Variants in NCAM2 observed in about 807,000 individuals in gnomAD.
NCAM2 encodes N-CAM-2.
In NCAM2, 30 loss-of-function variants were observed where a neutral mutation model predicts 98.1. The observed-to-expected ratio is 0.31, with a 90% CI of 0.23 to 0.41. The LOEUF (loss-of-function observed/expected upper bound fraction) is 0.41. Among genes scored for constraint, NCAM2 ranks in the 10% least tolerant of loss-of-function variants. The probability of loss-of-function intolerance (pLI) is 1.00; values close to 1 mark genes in which losing one functional copy is unlikely to be tolerated. For synonymous variants in NCAM2, 368 were observed against 342.4 expected, an observed-to-expected ratio of 1.07 and a Z score of -0.83; for missense variants, 867 against 1,005.8, an observed-to-expected ratio of 0.86 and a Z score of 1.87.
intron 9 of NCAM2, among the ~76,000 whole-genome samples, chr21:21,405,688 T>TA (rs1234508846): frequency 1.7e-5 from 2 of 114,900 alleles, no homozygotes; most frequent in Non-Finnish European, 1.8e-5. Flanking sequence ...TGTAATTTCT[T>TA]AATCACAACT....
At chr21:21,101,108 G>A (rs139583398) in intron 1 of NCAM2, among the ~76,000 whole-genome samples, 226 of 152,064 alleles carry the variant, frequency 1.5e-3, no homozygotes, top group African/African-American at 5.2e-3. Context: ...TAATTCATGG[G>A]AGGCTATTAT....
At chr21:21,040,952 A>C (rs2146260377) in intron 1 of NCAM2, among the ~76,000 whole-genome samples, 1 of 152,280 alleles carries the variant, frequency 6.6e-6, no homozygotes, top group Non-Finnish European at 1.5e-5. Flanking sequence ...ATCAATGCCA[A>C]ATGTTTGAGG....
intron 9 of NCAM2, among the ~76,000 whole-genome samples, chr21:21,379,395 C>T (rs2076102073): frequency 1.3e-5 from 2 of 151,998 alleles, no homozygotes; most frequent in African/African-American, 2.4e-5. Context: ...AATAGAATCA[C>T]ATAACTCCAG....
chr21:21,147,448 C>A (rs2067312665), intron 1 of NCAM2, among the ~76,000 whole-genome samples: 1 of 151,684 alleles, frequency 6.6e-6, no homozygotes, highest in Admixed American at 6.6e-5. Flanking sequence ...CTTGCCCTGT[C>A]CCCTAGGCTG....
chr21:21,108,063 A>G (rs905958951), intron 1 of NCAM2, among the ~76,000 whole-genome samples: 3 of 152,124 alleles, frequency 2.0e-5, no homozygotes, highest in African/African-American at 7.2e-5. Flanking sequence ...AGCAGCTGCA[A>G]TATATAACTA....
chr21:21,387,895 AAG>A (rs2076303081), intron 9 of NCAM2, among the ~76,000 whole-genome samples: 1 of 152,196 alleles, frequency 6.6e-6, no homozygotes, highest in Admixed American at 6.6e-5. Context: ...AGGAAGAAAA[AAG>A]TAAAACAGTG....
At chr21:21,401,192 T>C (rs2076622268) in intron 9 of NCAM2, among the ~76,000 whole-genome samples, 1 of 152,216 alleles carries the variant, frequency 6.6e-6, no homozygotes, top group Non-Finnish European at 1.5e-5. Context: ...TGTATGTGTG[T>C]GCACATCTCC....
intron 1 of NCAM2, among the ~76,000 whole-genome samples, chr21:21,126,828 C>T (rs1394756223): frequency 6.6e-6 from 1 of 151,948 alleles, no homozygotes; most frequent in Non-Finnish European, 1.5e-5. Flanking sequence ...CTGAAACTGT[C>T]ATACGTGTGT....
At chr21:21,020,440 ATTG>A (rs974107977) in intron 1 of NCAM2, among the ~76,000 whole-genome samples, 2 of 151,950 alleles carry the variant, frequency 1.3e-5, no homozygotes, top group African/African-American at 2.4e-5. Flanking sequence ...GTGGAAGCTT[ATTG>A]TTGTTATTTT....
At chr21:21,383,530 C>G (rs2076203543) in intron 9 of NCAM2, among the ~76,000 whole-genome samples, 1 of 152,124 alleles carries the variant, frequency 6.6e-6, no homozygotes, top group Non-Finnish European at 1.5e-5. Context: ...AAAATGGAAG[C>G]TAGTTTTCAT....
intron 1 of NCAM2, among the ~76,000 whole-genome samples, chr21:21,118,754 C>T (rs909272800): frequency 3.3e-5 from 5 of 152,100 alleles, no homozygotes; most frequent in African/African-American, 1.2e-4. Context: ...CCTCAACACA[C>T]ATATTATTTT....
At position 21,335,594 on chromosome 21, in the gene NCAM2, G is replaced by A; in HGVS notation, c.827G>A (p.Gly276Asp). 1.2e-6 allele frequency: 2 copies of A among 1,611,980 alleles called. No homozygotes were observed. The highest frequency in any genetic ancestry group is 2.2e-5 in the East Asian group (1 of 44,624). Residue 276 changes from glycine to aspartate, a missense_variant, in exon 7 of 18, where the codon GGT becomes GAT. Physicochemically the swap from Gly to Asp is moderately conservative, Grantham distance 94. Around this residue, in one of 5 missense-constraint regions of NCAM2, gnomAD observed 447 missense variants for 495.7 expected, o/e 0.90. Transcript: ENST00000400546. ...GTCAGGAACATAATCAATAGTGATG[G>A]TGGTCCTTATGTCTGCAGGGCCACA... The part of the protein sequence containing the change: ...LTVRNIINSD[G>D]GPYVCRATNK...
chr21:21,001,222 A>G (rs762094404), intron 1 of NCAM2, among the ~76,000 whole-genome samples: 3 of 152,176 alleles, frequency 2.0e-5, no homozygotes, highest in Middle Eastern at 3.2e-3. Context: ...TGCCAATACT[A>G]TAATTAGCTA....
At chr21:21,176,562 A>G (rs184514878) in intron 1 of NCAM2, among the ~76,000 whole-genome samples, 1 of 152,112 alleles carries the variant, frequency 6.6e-6, no homozygotes, top group African/African-American at 2.4e-5. Context: ...TGACACATTT[A>G]TTACAATGTA....
chr21:21,144,261 A>C (rs2067227827), intron 1 of NCAM2, among the ~76,000 whole-genome samples: 1 of 151,960 alleles, frequency 6.6e-6, no homozygotes, highest in African/African-American at 2.4e-5. Context: ...AGACCAGAAA[A>C]TTGCTTGAAC....
At chr21:21,111,890 A>G (rs2066461794) in intron 1 of NCAM2, among the ~76,000 whole-genome samples, 1 of 152,182 alleles carries the variant, frequency 6.6e-6, no homozygotes, top group South Asian at 2.1e-4. Context: ...TGAATTTTTC[A>G]GTATTATATT....
intron 1 of NCAM2, among the ~76,000 whole-genome samples, chr21:21,119,667 A>G (rs572861251): frequency 6.6e-6 from 1 of 152,302 alleles, no homozygotes; most frequent in South Asian, 2.1e-4. Flanking sequence ...AGGAGCTTTA[A>G]GAAGATTTGT....
chr21:21,055,954 A>G (rs2146310579), intron 1 of NCAM2, among the ~76,000 whole-genome samples: 1 of 152,228 alleles, frequency 6.6e-6, no homozygotes, highest in Admixed American at 6.5e-5. Context: ...CTAAAAATCC[A>G]TCAGGATGAA....
At chr21:21,360,276 G>T (rs1229412461) in intron 8 of NCAM2, among the ~76,000 whole-genome samples, 1 of 151,886 alleles carries the variant, frequency 6.6e-6, no homozygotes, top group Non-Finnish European at 1.5e-5. Context: ...TATATTCAAT[G>T]AACATATTCA....
Sources: allele counts gnomAD v4.1 joint callset (sites outside exome capture counted in the v4.1 genomes callset), GRCh38; gene constraint gnomAD v4.1.1; regional missense constraint gnomAD v4.1.1; transcripts MANE v1.5; gene names NCBI Gene and HGNC (gene_info 2026-07-23, HGNC 2026-07-21).